TLK1: variants seen among roughly 807,000 people sequenced by gnomAD.
TLK1 encodes the protein serine/threonine-protein kinase tousled-like 1.
Under a neutral mutation model 105.3 loss-of-function variants are expected in TLK1, and 24 were observed. That is an observed-to-expected ratio of 0.23 (90% CI 0.17 to 0.32). TLK1 has a LOEUF of 0.32. TLK1 is among the 10% of genes least tolerant of loss of function. The pLI is 1.00. For synonymous variants in TLK1, 321 were observed against 310.4 expected, an observed-to-expected ratio of 1.03 and a Z score of -0.36; for missense variants, 558 against 910.5, an observed-to-expected ratio of 0.61 and a Z score of 4.98.
chr2:171,175,476 A>G (rs907950347), intron 1 of TLK1, among the ~76,000 whole-genome samples: 23 of 152,320 alleles, frequency 1.5e-4, no homozygotes, highest in African/African-American at 5.5e-4. Context: ...TTAAGTATGT[A>G]AATATGACAC....
At chr2:171,018,584 G>C (rs552682985) in intron 12 of TLK1, among the ~76,000 whole-genome samples, 1 of 152,176 alleles carries the variant, frequency 6.6e-6, no homozygotes, top group Non-Finnish European at 1.5e-5. Context: ...CAAGGGTTCA[G>C]GAGAAGACAG....
chr2:171,075,627 CATTA>C (rs768579164), intron 3 of TLK1, among the ~76,000 whole-genome samples: 12 of 152,218 alleles, frequency 7.9e-5, no homozygotes, highest in African/African-American at 1.4e-4. Context: ...GCTTCTCCAA[CATTA>C]ATTATTAAAA....
At chr2:171,077,991 C>T (rs2105471148) in intron 3 of TLK1, among the ~76,000 whole-genome samples, 1 of 152,316 alleles carries the variant, frequency 6.6e-6, no homozygotes, top group Admixed American at 6.5e-5. Flanking sequence ...ACTCTGAGAT[C>T]TGCTTATCTA....
At chr2:171,195,373 G>A (rs1209773539) in intron 1 of TLK1, among the ~76,000 whole-genome samples, 1 of 151,810 alleles carries the variant, frequency 6.6e-6, no homozygotes, top group Non-Finnish European at 1.5e-5. Context: ...CATGGTGGTG[G>A]GCGCCTGTAG....
chr2:171,012,789 A>T (rs1204806678), intron 13 of TLK1, among the ~76,000 whole-genome samples: 1 of 151,876 alleles, frequency 6.6e-6, no homozygotes, highest in Non-Finnish European at 1.5e-5. Context: ...AATACATTGT[A>T]TTTTATTATT....
At chr2:171,211,763 T>C (rs1403295095) in intron 1 of TLK1, among the ~76,000 whole-genome samples, 1 of 152,072 alleles carries the variant, frequency 6.6e-6, no homozygotes, top group African/African-American at 2.4e-5. Flanking sequence ...TTGGTCAGAC[T>C]GGTCTCGAAC....
intron 1 of TLK1, among the ~76,000 whole-genome samples, chr2:171,215,494 T>A (rs1016687615): frequency 6.6e-6 from 1 of 152,156 alleles, no homozygotes; most frequent in Non-Finnish European, 1.5e-5. Flanking sequence ...CAAATCTGCT[T>A]TAAGAATGTC....
chr2:170,996,552 G>A (rs755663142), intron 20 of TLK1, 101 bp downstream of exon 20: 37 of 875,284 alleles, frequency 4.2e-5, no homozygotes, highest in African/African-American at 8.6e-5. Context: ...CTGCAGCAGC[G>A]AGTCTTGTGA....
chr2:171,090,126 T>TGTTTTACA lies in TLK1; in HGVS notation c.259-7282_259-7275dup, dbSNP rs1689163512. Among the ~76,000 whole-genome samples, 6 of 152,200 alleles carry TGTTTTACA rather than the reference T, an allele frequency of 3.9e-5. 1 individual carries two copies. In the South Asian group the frequency reaches 1.2e-3, roughly 31 times the overall value. On this transcript the variant is annotated intron_variant, in intron 2 of 20. Transcript: ENST00000431350. ...TTACTAAGGCCTTTTCTGATTTCAC[T>TGTTTTACA]GTTTTACAGTTTTCAGTGAAGATGT...
At chr2:171,167,860 A>G (rs1049213397) in intron 1 of TLK1, among the ~76,000 whole-genome samples, 2 of 152,180 alleles carry the variant, frequency 1.3e-5, no homozygotes, top group Admixed American at 1.3e-4. Flanking sequence ...TGTTTACAAA[A>G]ACAAAGTACA....
rs1684135574 is a variant in TLK1, at chr2:170,997,802, A to G, written c.1926T>C (p.Phe642=). 1 of 1,610,738 alleles carries G rather than the reference A, an allele frequency of 6.2e-7. No homozygotes were observed. The highest frequency in any genetic ancestry group is 8.5e-7 in the Non-Finnish European group (1 of 1,178,016). ...GTYWYLPPEC[F]VVGKEPPKIS... ...TCTTTGGTGGCTCTTTTCCAACTACAAAACACTCAGGAGGTAAATACCTGT... is the reference window on the plus strand; with the variant it reads ...TCTTTGGTGGCTCTTTTCCAACTACGAAACACTCAGGAGGTAAATACCTGT... The change falls in exon 19 of 21, where the codon TTT becomes TTC. Residue 642 remains phenylalanine (F), a synonymous_variant. Coordinates refer to ENST00000431350, the MANE Select transcript of TLK1 (RefSeq NM_012290.5).
At chr2:171,175,028 G>C (rs1362417101) in intron 1 of TLK1, among the ~76,000 whole-genome samples, 2 of 152,060 alleles carry the variant, frequency 1.3e-5, no homozygotes, top group African/African-American at 4.8e-5. Flanking sequence ...CTAGGAGTTT[G>C]AGACCAGCCT....
intron 1 of TLK1, among the ~76,000 whole-genome samples, chr2:171,182,992 C>T (rs959032689): frequency 1.4e-5 from 2 of 143,120 alleles, no homozygotes; most frequent in Non-Finnish European, 3.0e-5. Flanking sequence ...GCTGGACAAA[C>T]TTGAATAGGG....
intron 7 of TLK1, 124 bp downstream of exon 7, chr2:171,054,959 A>G (rs1006318939): frequency 1.0e-5 from 5 of 479,906 alleles, no homozygotes; most frequent in African/African-American, 8.1e-5. Flanking sequence ...TTAGTAAGTT[A>G]TCTTTCTTGA....
At chr2:171,007,668 T>C (rs887406700) in intron 14 of TLK1, among the ~76,000 whole-genome samples, 2 of 152,030 alleles carry the variant, frequency 1.3e-5, no homozygotes, top group Non-Finnish European at 2.9e-5. Flanking sequence ...CCTAGTACCC[T>C]TGCATCCCAC....
upstream of TLK1, among the ~76,000 whole-genome samples, chr2:171,162,321 C>CCT (rs1189617103): frequency 2.6e-5 from 4 of 152,154 alleles, no homozygotes; most frequent in Non-Finnish European, 4.4e-5. Context: ...GGGCGGATCA[C>CCT]GAGGTCAGGA....
chr2:171,105,874 G>A (rs1380030266), intron 2 of TLK1, among the ~76,000 whole-genome samples: 1 of 152,104 alleles, frequency 6.6e-6, no homozygotes, highest in Admixed American at 6.5e-5. Flanking sequence ...CAAAGGAAAG[G>A]AAATCAGTAT....
chr2:171,113,808 CAG>C (rs1340841842), intron 2 of TLK1, among the ~76,000 whole-genome samples: 1 of 152,120 alleles, frequency 6.6e-6, no homozygotes, highest in African/African-American at 2.4e-5. Flanking sequence ...AAATTAGTAA[CAG>C]AAACTGTAGA....
intron 12 of TLK1, among the ~76,000 whole-genome samples, chr2:171,023,751 T>G (rs1011736558): frequency 1.3e-5 from 2 of 152,214 alleles, no homozygotes; most frequent in African/African-American, 4.8e-5. Context: ...GAAGTTGATT[T>G]TGCAGGGATT....
Sources: gnomAD v4.1 joint callset for allele counts (sites outside exome capture counted in the v4.1 genomes callset) on GRCh38, gnomAD v4.1.1 for gene constraint, MANE v1.5 for transcripts, NCBI Gene and HGNC (gene_info 2026-07-23, HGNC 2026-07-21) for gene names.